CCDC178: variants seen among roughly 807,000 people sequenced by gnomAD.
The protein encoded by CCDC178 is coiled-coil domain-containing protein 178.
A neutral mutation model predicts 117.4 loss-of-function variants in CCDC178; 126 were observed. The ratio of observed to expected loss-of-function variants is 1.07; its 90% confidence interval spans 0.93 to 1.24. CCDC178 has a LOEUF of 1.24. CCDC178 is among the 50% of genes most tolerant of loss of function. The probability of loss-of-function intolerance (pLI) is 0.00; values close to 1 mark genes in which losing one functional copy is unlikely to be tolerated. For missense variants in CCDC178, 1,030 were observed against 986.9 expected (o/e 1.04, Z -0.59); for synonymous variants, 283 against 313.4 (o/e 0.90, Z 1.02).
intron 2 of CCDC178, among the ~76,000 whole-genome samples, chr18:33,439,337 A>G (rs1171278956): frequency 6.6e-6 from 1 of 151,902 alleles, no homozygotes; most frequent in Non-Finnish European, 1.5e-5. Context: ...CTGAGGTGGG[A>G]GCAGGAGAGA....
intron 20 of CCDC178, among the ~76,000 whole-genome samples, chr18:33,209,544 A>G (rs1243077649): frequency 2.0e-5 from 3 of 152,074 alleles, no homozygotes; most frequent in Admixed American, 6.6e-5. Flanking sequence ...GATCCTTTAC[A>G]TTACATACAC....
In CCDC178 at chr18:33,362,433, G is replaced by A. The variant is rs1390560871; in HGVS notation, c.349-6087C>T. On this transcript the variant is annotated intron_variant, in intron 6 of 22. Transcript: ENST00000383096. Reference sequence around the variant, plus strand: ...AGAGGAAATGCAGAGATGCAGGTCAGAGGATACAAAGCAGCAGATATGGAA... The same window carrying A: ...AGAGGAAATGCAGAGATGCAGGTCAAAGGATACAAAGCAGCAGATATGGAA... Among the ~76,000 whole-genome samples, 3 of 151,898 alleles carry A rather than the reference G, an allele frequency of 2.0e-5. No individual in the cohort carries two copies. In the South Asian group the frequency reaches 6.2e-4, roughly 32 times the overall value.
At chr18:33,230,496 G>T (rs937061435) in intron 15 of CCDC178, among the ~76,000 whole-genome samples, 1 of 151,970 alleles carries the variant, frequency 6.6e-6, no homozygotes, top group Non-Finnish European at 1.5e-5. Context: ...TATAATATTT[G>T]CCAAATGAAT....
At chr18:32,980,569 T>TGAA (rs2055132685) in intron 21 of CCDC178, among the ~76,000 whole-genome samples, 1 of 21,378 alleles carries the variant, frequency 4.7e-5, no homozygotes, top group African/African-American at 2.5e-4. Flanking sequence ...AGACTCCGTC[T>TGAA]CAAAAAAAAA....
chr18:33,249,657 T>G (rs536187867), intron 14 of CCDC178, among the ~76,000 whole-genome samples: 43 of 152,236 alleles, frequency 2.8e-4, no homozygotes, highest in African/African-American at 8.7e-4. Flanking sequence ...ACCATGCTGT[T>G]TTGGTTACTG....
At chr18:33,386,062 T>A (rs1568192760) in intron 5 of CCDC178, among the ~76,000 whole-genome samples, 2 of 152,146 alleles carry the variant, frequency 1.3e-5, no homozygotes, top group South Asian at 4.1e-4. Flanking sequence ...CAGAGAATAC[T>A]ATAAACACCT....
chr18:33,010,344 G>A (rs1056225106), intron 21 of CCDC178, among the ~76,000 whole-genome samples: 10 of 152,114 alleles, frequency 6.6e-5, no homozygotes, highest in African/African-American at 2.4e-4. Flanking sequence ...GGCGGTCATG[G>A]AAAGCAGGAG....
At chr18:33,302,111 AGT>A in intron 11 of CCDC178, among the ~76,000 whole-genome samples, 1 of 152,194 alleles carries the variant, frequency 6.6e-6, no homozygotes. Context: ...GTTGTTTAAA[AGT>A]GTGTGACACC....
intron 20 of CCDC178, among the ~76,000 whole-genome samples, chr18:33,195,836 C>A (rs558546630): frequency 6.6e-6 from 1 of 152,150 alleles, no homozygotes; most frequent in East Asian, 1.9e-4. Flanking sequence ...TGGAAATGTA[C>A]GATCTATGGA....
chr18:33,399,553 C>A (rs2063683017), intron 3 of CCDC178, among the ~76,000 whole-genome samples: 1 of 152,228 alleles, frequency 6.6e-6, no homozygotes, highest in Non-Finnish European at 1.5e-5. Context: ...CCTACAGTAT[C>A]TTCACCAGGA....
chr18:33,319,353 C>G (rs2062469769), intron 11 of CCDC178, among the ~76,000 whole-genome samples: 2 of 151,926 alleles, frequency 1.3e-5, no homozygotes, highest in African/African-American at 2.4e-5. Context: ...CATCCATGTC[C>G]CTACAAAGGA....
intron 22 of CCDC178, among the ~76,000 whole-genome samples, chr18:32,965,352 C>T (rs2054790168): frequency 6.6e-6 from 1 of 151,868 alleles, no homozygotes; most frequent in South Asian, 2.1e-4. Context: ...TTTATTTTTA[C>T]CTAACTAAGG....
chr18:33,371,769 G>A (rs979529076), intron 5 of CCDC178, among the ~76,000 whole-genome samples: 2 of 118,858 alleles, frequency 1.7e-5, no homozygotes, highest in Admixed American at 9.9e-5. Context: ...TTCCTCTTTA[G>A]TTCATAAACA....
chr18:33,047,450 G>A (rs998892361), intron 21 of CCDC178, among the ~76,000 whole-genome samples: 2 of 152,116 alleles, frequency 1.3e-5, no homozygotes, highest in African/African-American at 2.4e-5. Context: ...GAAACAATCA[G>A]CTTCCCAATT....
At chr18:33,237,217 T>C (rs1325669276) in intron 15 of CCDC178, among the ~76,000 whole-genome samples, 1 of 152,122 alleles carries the variant, frequency 6.6e-6, no homozygotes, top group East Asian at 1.9e-4. Context: ...ACCCTAGCTG[T>C]GTGGAGCCTG....
At chr18:33,067,827 T>C (rs1317633532) in intron 21 of CCDC178, among the ~76,000 whole-genome samples, 2 of 151,622 alleles carry the variant, frequency 1.3e-5, no homozygotes, top group African/African-American at 4.8e-5. Flanking sequence ...AGAGGAACTC[T>C]GTCTCAAAAA....
intron 20 of CCDC178, among the ~76,000 whole-genome samples, chr18:33,180,692 C>T (rs1260155380): frequency 6.6e-6 from 1 of 152,024 alleles, no homozygotes; most frequent in East Asian, 1.9e-4. Flanking sequence ...AACCTAAGAA[C>T]ATATGCCATC....
intron 3 of CCDC178, among the ~76,000 whole-genome samples, chr18:33,405,251 A>G (rs2063764877): frequency 6.6e-6 from 1 of 151,738 alleles, no homozygotes; most frequent in Admixed American, 6.6e-5. Flanking sequence ...ACAAAAATGT[A>G]TGTTATTTAT....
intron 20 of CCDC178, among the ~76,000 whole-genome samples, chr18:33,117,469 C>T (rs903317085): frequency 1.3e-5 from 2 of 152,038 alleles, no homozygotes; most frequent in Admixed American, 6.6e-5. Context: ...TGGCAACATT[C>T]CCTGAGGTGA....
Sources: allele counts gnomAD v4.1 joint callset (sites outside exome capture counted in the v4.1 genomes callset), GRCh38; gene constraint gnomAD v4.1.1; transcripts MANE v1.5; gene names NCBI Gene and HGNC (gene_info 2026-07-23, HGNC 2026-07-21).